OOSP1: variants seen among roughly 807,000 people sequenced by gnomAD.
OOSP1 encodes the protein oocyte secreted protein 1.
In OOSP1, 11 loss-of-function variants were observed where a neutral mutation model predicts 5.7. The ratio of observed to expected loss-of-function variants is 1.94; its 90% confidence interval spans 1.22 to 3.20. OOSP1 has a LOEUF of 3.20. Among genes scored for constraint, OOSP1 ranks in the 30% most tolerant of loss-of-function variants. The pLI, the probability that OOSP1 is intolerant of heterozygous loss-of-function variation, is 0.00. For synonymous variants in OOSP1, 44 were observed against 20.0 expected, an observed-to-expected ratio of 2.20 and a Z score of -3.20; for missense variants, 83 against 54.1, an observed-to-expected ratio of 1.53 and a Z score of -1.67.
intron 4 of OOSP1, among the ~76,000 whole-genome samples, chr11:59,954,632 T>TCTAA (rs1199851224): frequency 1.5e-5 from 2 of 129,188 alleles, no homozygotes; most frequent in East Asian, 4.5e-4. Context: ...AGGGACTTTA[T>TCTAA]CTATCTATCT....
At chr11:59,939,488 G>T (rs1853802887) in intron 1 of OOSP1, among the ~76,000 whole-genome samples, 1 of 152,124 alleles carries the variant, frequency 6.6e-6, no homozygotes, top group African/African-American at 2.4e-5. Flanking sequence ...CTGGCCTCAA[G>T]TGATCTGCCC....
At position 59,947,723 on chromosome 11, in the gene OOSP1, C is replaced by T. The variant is rs1050577287; in HGVS notation, c.357-10C>T. The T allele has an allele frequency of 7.5e-6, 3 of 398,586 alleles. No individual in the cohort carries two copies. Among genetic ancestry groups the T allele is most frequent in the Non-Finnish European group, 1.3e-5 (3 of 225,792 alleles). The allele number at this position is 398,586 out of a possible 1,614,324, so 24.7% of individuals were successfully genotyped here. A position where few individuals can be genotyped will look rare whatever the true frequency, so the allele number is the denominator to read the frequency against. The stretch of plus-strand genomic sequence containing the variant: ...ACTATGTGATATTTTTCTATCTTCT[C>T]TTATTTTAGTCAGCATCATCTTTTA... On this transcript the variant is annotated splice_polypyrimidine_tract_variant and intron_variant, in intron 3 of 4. Coordinates refer to ENST00000646685, the Ensembl canonical transcript of OOSP1.
exon 5 of OOSP1, chr11:59,957,361 C>T (rs1854002926): frequency 2.5e-6 from 1 of 394,228 alleles, no homozygotes; most frequent in Non-Finnish European, 4.5e-6. Flanking sequence ...TTGGAGAGAA[C>T]ATTAAATGTC....
At chr11:59,942,792 T>G in intron 1 of OOSP1, 55 bp from the exon 2 acceptor site, 1 of 653,484 alleles carries the variant, frequency 1.5e-6, no homozygotes, top group Non-Finnish European at 2.8e-6. Flanking sequence ...CTAAATTTTT[T>G]TGAGCTGATC....
At chr11:59,949,550 T>C (rs1329932850) in intron 4 of OOSP1, among the ~76,000 whole-genome samples, 1 of 152,066 alleles carries the variant, frequency 6.6e-6, no homozygotes, top group East Asian at 1.9e-4. Flanking sequence ...CACTGAGTGT[T>C]TGCAGAACAA....
chr11:59,955,656 T>C (rs1452763897), intron 4 of OOSP1, among the ~76,000 whole-genome samples: 1 of 152,100 alleles, frequency 6.6e-6, no homozygotes, highest in African/African-American at 2.4e-5. Flanking sequence ...TCTTGCTCTG[T>C]TGCCTGGGCT....
At chr11:59,939,508 T>C (rs934781652) in intron 1 of OOSP1, among the ~76,000 whole-genome samples, 11 of 152,162 alleles carry the variant, frequency 7.2e-5, no homozygotes, top group African/African-American at 2.7e-4. Context: ...CACCTCGGTC[T>C]CCCAAAGTGC....
intron 4 of OOSP1, among the ~76,000 whole-genome samples, chr11:59,949,634 A>T (rs557779023): frequency 6.6e-6 from 1 of 152,254 alleles, no homozygotes; most frequent in South Asian, 2.1e-4. Context: ...TAAAACAATG[A>T]GTGGAGTACC....
intron 4 of OOSP1, among the ~76,000 whole-genome samples, chr11:59,954,034 A>T (rs893554932): frequency 2.0e-5 from 3 of 152,238 alleles, no homozygotes; most frequent in African/African-American, 7.2e-5. Flanking sequence ...TATATGGAAT[A>T]GCCTGTTGCT....
intron 4 of OOSP1, chr11:59,949,105 G>A (rs1007266754): frequency 9.3e-6 from 2 of 214,014 alleles, no homozygotes; most frequent in Non-Finnish European, 1.8e-5. Context: ...AGGTTTTTAA[G>A]GGTACAGTTA....
exon 1 of OOSP1, chr11:59,938,490 T>C (rs1315494431): frequency 1.3e-5 from 8 of 631,882 alleles, no homozygotes; most frequent in East Asian, 2.9e-5. Context: ...GGCTCTTTTA[T>C]CTGCATTCCT....
chr11:59,947,977 A>G (rs1352410850), intron 4 of OOSP1, 115 bp downstream of exon 4: 1 of 395,658 alleles, frequency 2.5e-6, no homozygotes. Context: ...CATTGTGCCT[A>G]AAATGTTTCC....
chr11:59,946,961 AT>A (rs1565232409), intron 3 of OOSP1, among the ~76,000 whole-genome samples: 246 of 144,500 alleles, frequency 1.7e-3, no homozygotes, highest in African/African-American at 5.9e-3. Context: ...CTATCTATCT[AT>A]CTATCTGTCT....
intron 4 of OOSP1, 38 bp from the exon 5 acceptor site, chr11:59,957,157 A>T: frequency 2.5e-6 from 1 of 397,306 alleles, no homozygotes; most frequent in Middle Eastern, 6.3e-4. Flanking sequence ...CTGTAATGTA[A>T]TTGATGAATC....
chr11:59,947,742 T>C (rs1273048567), exon 4 of OOSP1: 1 of 398,720 alleles, frequency 2.5e-6, no homozygotes, highest in Non-Finnish European at 4.4e-6. Context: ...GTCAGCATCA[T>C]CTTTTAAATG....
intron 4 of OOSP1, among the ~76,000 whole-genome samples, chr11:59,955,621 A>ATTTTTT (rs111996738): frequency 6.8e-6 from 1 of 146,206 alleles, no homozygotes; most frequent in Non-Finnish European, 1.5e-5. Flanking sequence ...TAGATCATCT[A>ATTTTTT]TTTTTTTTTT....
At chr11:59,957,249 T>G (rs1000295809) in exon 5 of OOSP1, 2 of 397,890 alleles carry the variant, frequency 5.0e-6, no homozygotes, top group African/African-American at 4.1e-5. Flanking sequence ...CTCAAGAACA[T>G]TACCAAGGCG....
intron 4 of OOSP1, among the ~76,000 whole-genome samples, chr11:59,950,064 T>C (rs1287785298): frequency 1.3e-5 from 2 of 152,154 alleles, no homozygotes; most frequent in East Asian, 3.8e-4. Context: ...CTGGTTTAGA[T>C]GTAGCATGGA....
chr11:59,952,747 C>T (rs959775076), intron 4 of OOSP1, among the ~76,000 whole-genome samples: 3 of 152,118 alleles, frequency 2.0e-5, no homozygotes, highest in Non-Finnish European at 4.4e-5. Context: ...TCTAATTCAT[C>T]TATCTAACAA....
Sources: allele counts gnomAD v4.1 joint callset (sites outside exome capture counted in the v4.1 genomes callset), GRCh38; gene constraint gnomAD v4.1.1; transcripts MANE v1.5; gene names NCBI Gene and HGNC (gene_info 2026-07-23, HGNC 2026-07-21).